LYPLAL1: variants seen among roughly 807,000 people sequenced by gnomAD.
LYPLAL1 encodes lysophospholipase-like protein 1.
LYPLAL1 carries 23 observed loss-of-function variants against 19.7 expected under a neutral mutation model. That is an observed-to-expected ratio of 1.17 (90% CI 0.84 to 1.65). LYPLAL1 has a LOEUF of 1.65. Among genes scored for constraint, LYPLAL1 ranks in the 40% most tolerant of loss-of-function variants. The probability of loss-of-function intolerance (pLI) is 0.00; values close to 1 mark genes in which losing one functional copy is unlikely to be tolerated. For synonymous variants in LYPLAL1, 119 were observed against 96.3 expected (o/e 1.24, Z -1.38); for missense variants, 355 against 279.4 (o/e 1.27, Z -1.93).
At chr1:219,232,342 A>G in the LYPLAL1 span, among the ~76,000 whole-genome samples, 2 of 152,200 alleles carry the variant, frequency 1.3e-5, no homozygotes, top group African/African-American at 2.4e-5. Context: ...TTTTTAAAAA[A>G]AATAGTGTAA....
the LYPLAL1 span, among the ~76,000 whole-genome samples, chr1:219,413,002 C>G: frequency 6.6e-6 from 1 of 152,022 alleles, no homozygotes; most frequent in African/African-American, 2.4e-5. Context: ...TCTTTGTTTT[C>G]AAAGAAACTA....
intron 3 of LYPLAL1, among the ~76,000 whole-genome samples, chr1:219,201,344 T>C (rs1309911679): frequency 6.6e-6 from 1 of 151,860 alleles, no homozygotes; most frequent in Non-Finnish European, 1.5e-5. Flanking sequence ...CACTGAATTA[T>C]TTGACTCATC....
chr1:219,435,751 G>A, the LYPLAL1 span, among the ~76,000 whole-genome samples: 2,675 of 151,816 alleles, frequency 0.018, 41 homozygotes, highest in Non-Finnish European at 0.025. Flanking sequence ...ACTTGAACCC[G>A]GGAGGTGGAG....
the LYPLAL1 span, among the ~76,000 whole-genome samples, chr1:219,382,062 A>G: frequency 6.6e-6 from 1 of 152,356 alleles, no homozygotes. Context: ...CCTTACTGGC[A>G]CATGAGGTGC....
At chr1:219,349,164 A>G in the LYPLAL1 span, among the ~76,000 whole-genome samples, 1 of 152,232 alleles carries the variant, frequency 6.6e-6, no homozygotes, top group African/African-American at 2.4e-5. Flanking sequence ...GACTGACTAC[A>G]TACAAATAAT....
At chr1:219,260,557 CAA>C in the LYPLAL1 span, among the ~76,000 whole-genome samples, 1 of 149,750 alleles carries the variant, frequency 6.7e-6, no homozygotes, top group East Asian at 1.9e-4. Flanking sequence ...TAGTAGGCTC[CAA>C]AAAATATTGA....
At chr1:219,327,152 A>G in the LYPLAL1 span, among the ~76,000 whole-genome samples, 1 of 152,078 alleles carries the variant, frequency 6.6e-6, no homozygotes, top group Non-Finnish European at 1.5e-5. Context: ...GTTTTCCATA[A>G]TCGTACACCT....
chr1:219,432,269 C>A, the LYPLAL1 span, among the ~76,000 whole-genome samples: 1 of 152,226 alleles, frequency 6.6e-6, no homozygotes, highest in African/African-American at 2.4e-5. Flanking sequence ...TCCCTAGCCA[C>A]TTCCAATGAA....
the LYPLAL1 span, among the ~76,000 whole-genome samples, chr1:219,358,530 G>A: frequency 6.6e-6 from 1 of 152,084 alleles, no homozygotes; most frequent in African/African-American, 2.4e-5. Flanking sequence ...ACCAGGCTGG[G>A]GAGGCCTCAG....
the LYPLAL1 span, among the ~76,000 whole-genome samples, chr1:219,225,788 T>C: frequency 6.6e-6 from 1 of 152,174 alleles, no homozygotes; most frequent in Non-Finnish European, 1.5e-5. Flanking sequence ...CCTTACCAGC[T>C]TCATCACAGC....
At chr1:219,441,398 T>C in the LYPLAL1 span, among the ~76,000 whole-genome samples, 1 of 152,162 alleles carries the variant, frequency 6.6e-6, no homozygotes, top group Non-Finnish European at 1.5e-5. Flanking sequence ...CGAGATTCAT[T>C]TGAAATAATC....
chr1:219,225,268 T>G, the LYPLAL1 span: 1 of 152,192 alleles, frequency 6.6e-6, no homozygotes, highest in African/African-American at 2.4e-5. Context: ...AATGCGTGAT[T>G]TGGGGGGAAA....
chr1:219,345,097 A>G, the LYPLAL1 span, among the ~76,000 whole-genome samples: 1 of 152,236 alleles, frequency 6.6e-6, no homozygotes, highest in South Asian at 2.1e-4. Flanking sequence ...AACTTCAATT[A>G]ATAAATAGGA....
the LYPLAL1 span, among the ~76,000 whole-genome samples, chr1:219,250,304 T>C: frequency 2.6e-5 from 4 of 151,972 alleles, no homozygotes; most frequent in Non-Finnish European, 5.9e-5. Flanking sequence ...CCTGTTACCC[T>C]TGTTGTAATC....
intron 1 of LYPLAL1, among the ~76,000 whole-genome samples, chr1:219,177,561 G>T (rs142899785): frequency 9.1e-4 from 139 of 152,204 alleles, no homozygotes; most frequent in Non-Finnish European, 1.6e-3. Flanking sequence ...GTCTAGGCAG[G>T]TGTCTAGTAT....
chr1:219,184,202 A>G (rs1656533149), intron 2 of LYPLAL1, among the ~76,000 whole-genome samples: 1 of 151,972 alleles, frequency 6.6e-6, no homozygotes, highest in East Asian at 1.9e-4. Context: ...TTAGGTCTTT[A>G]TTAATTTCTC....
chr1:219,307,587 A>T, the LYPLAL1 span, among the ~76,000 whole-genome samples: 1 of 152,242 alleles, frequency 6.6e-6, no homozygotes. Context: ...TTAGAGGACA[A>T]GATACATGTC....
the LYPLAL1 span, among the ~76,000 whole-genome samples, chr1:219,436,122 G>T: frequency 2.0e-5 from 3 of 152,154 alleles, no homozygotes; most frequent in Non-Finnish European, 4.4e-5. Flanking sequence ...ATAGTCACTG[G>T]TGTGCTTTGG....
chr1:219,242,676 A>G, the LYPLAL1 span, among the ~76,000 whole-genome samples: 1 of 151,870 alleles, frequency 6.6e-6, no homozygotes, highest in Non-Finnish European at 1.5e-5. Flanking sequence ...GAATCTTGCT[A>G]TAAGAATTAC....
Sources: gnomAD v4.1 joint callset for allele counts (sites outside exome capture counted in the v4.1 genomes callset) on GRCh38, gnomAD v4.1.1 for gene constraint, MANE v1.5 for transcripts, NCBI Gene and HGNC (gene_info 2026-07-23, HGNC 2026-07-21) for gene names.